The following FGF14 variants were observed in gnomAD, a reference collection of about 807,000 sequenced individuals.
FGF14 encodes fibroblast growth factor homologous factor 4.
FGF14 carries 5 observed loss-of-function variants against 25.5 expected under a neutral mutation model. The ratio of observed to expected loss-of-function variants is 0.20; its 90% CI spans 0.10 to 0.41. The LOEUF is 0.41. Ranked by LOEUF, FGF14 falls within the 10% of genes least tolerant of loss-of-function variation. FGF14 has a pLI of 1.00. For missense variants in FGF14, 222 were observed against 320.1 expected (o/e 0.69, Z 2.34); for synonymous variants, 138 against 118.3 (o/e 1.17, Z -1.08).
chr13:102,269,904 G>T (rs1456093770), intron 1 of FGF14, among the ~76,000 whole-genome samples: 2 of 152,140 alleles, frequency 1.3e-5, no homozygotes, highest in African/African-American at 4.8e-5. Flanking sequence ...TTAAGATGGT[G>T]TCCACAAGCT....
chr13:101,907,983 G>A (rs2032453843), intron 1 of FGF14, among the ~76,000 whole-genome samples: 1 of 152,118 alleles, frequency 6.6e-6, no homozygotes, highest in Admixed American at 6.5e-5. Context: ...ACTTATAAAA[G>A]CAGTTGTGGA....
At chr13:102,239,210 G>T (rs1158890305) in intron 1 of FGF14, among the ~76,000 whole-genome samples, 1 of 152,150 alleles carries the variant, frequency 6.6e-6, no homozygotes, top group Admixed American at 6.5e-5. Context: ...TTACTGTACA[G>T]ATTTTTCTGT....
At chr13:101,730,067 CATA>C (rs2139709751) in intron 3 of FGF14, among the ~76,000 whole-genome samples, 1 of 152,130 alleles carries the variant, frequency 6.6e-6, no homozygotes, top group Admixed American at 6.5e-5. Context: ...GTTTGAGAAA[CATA>C]ATAAAGGGTC....
At chr13:102,081,617 T>G (rs2043626821) in intron 1 of FGF14, among the ~76,000 whole-genome samples, 2 of 152,212 alleles carry the variant, frequency 1.3e-5, no homozygotes, top group South Asian at 4.1e-4. Flanking sequence ...TATTATCAAT[T>G]GGAATAGATA....
chr13:102,064,785 T>A (rs1237196190), intron 1 of FGF14, among the ~76,000 whole-genome samples: 1 of 151,946 alleles, frequency 6.6e-6, no homozygotes, highest in African/African-American at 2.4e-5. Flanking sequence ...TATATTGTGT[T>A]AGGTTTTGTA....
intron 1 of FGF14, among the ~76,000 whole-genome samples, chr13:101,950,967 G>T (rs376089490): frequency 6.6e-5 from 10 of 152,098 alleles, no homozygotes; most frequent in South Asian, 2.1e-4. Context: ...TTTTTGGTAC[G>T]TAAAACTACT....
At chr13:102,022,070 AC>A (rs2040682800) in intron 1 of FGF14, among the ~76,000 whole-genome samples, 1 of 151,992 alleles carries the variant, frequency 6.6e-6, no homozygotes, top group Admixed American at 6.6e-5. Flanking sequence ...GCCTAATTCT[AC>A]CTTACTTCAT....
At position 101,811,504 on chromosome 13, in the gene FGF14, T is replaced by C. The variant is rs151147407; in HGVS notation, c.408+57221A>G. 4.6e-3 allele frequency among the ~76,000 whole-genome samples: 699 copies of C among 152,358 alleles called. 4 individuals carry two copies. The highest frequency in any genetic ancestry group is 8.3e-3 in the South Asian group (40 of 4,830). On this transcript the variant is annotated intron_variant, in intron 3 of 4. Transcript: ENST00000376143. ...TTTGGGTGTGCCAGTTATTTATCTA[T>C]GCTCATACTAAAGTGCATGTTGGTT... is the stretch of plus-strand genomic sequence containing the variant.
At chr13:101,735,817 A>C (rs905707713) in intron 3 of FGF14, among the ~76,000 whole-genome samples, 12 of 152,180 alleles carry the variant, frequency 7.9e-5, no homozygotes, top group African/African-American at 2.9e-4. Flanking sequence ...TCAAAGGTAC[A>C]TTTCTTGGGC....
chr13:101,724,866 C>G lies in FGF14; in HGVS notation c.607+1746G>C, dbSNP rs1037191160. ...CATAAAAAGTATTATTTCTCTCTTT[C>G]TCATATATATATATGTATATATACA... On this transcript the variant is annotated intron_variant, in intron 4 of 4. Coordinates refer to ENST00000376143, the MANE Select transcript of FGF14 (RefSeq NM_004115.4). Among the ~76,000 whole-genome samples the G allele has an allele frequency of 6.6e-5, 10 of 151,040 alleles. No individual in the cohort carries two copies. In the South Asian group the frequency reaches 2.1e-3, roughly 31 times the overall value.
At chr13:102,114,506 C>T (rs2045374735) in intron 1 of FGF14, among the ~76,000 whole-genome samples, 1 of 152,134 alleles carries the variant, frequency 6.6e-6, no homozygotes, top group Non-Finnish European at 1.5e-5. Context: ...GAGATATCTG[C>T]ATTGTTATGT....
At chr13:101,982,360 T>C (rs376450407) in intron 1 of FGF14, among the ~76,000 whole-genome samples, 64 of 152,224 alleles carry the variant, frequency 4.2e-4, no homozygotes, top group African/African-American at 1.5e-3. Flanking sequence ...TGTTGTTTCT[T>C]ATTTTGTTTC....
At chr13:102,215,654 T>G (rs1024210079) in intron 1 of FGF14, among the ~76,000 whole-genome samples, 1 of 152,154 alleles carries the variant, frequency 6.6e-6, no homozygotes, top group Admixed American at 6.6e-5. Flanking sequence ...CCCACAACCA[T>G]ATTTACCATC....
chr13:102,001,442 G>A (rs1383107139), intron 1 of FGF14, among the ~76,000 whole-genome samples: 1 of 152,070 alleles, frequency 6.6e-6, no homozygotes, highest in African/African-American at 2.4e-5. Flanking sequence ...ACACCTGGGT[G>A]CCCAGAAAAT....
chr13:101,787,897 G>A (rs186479690), intron 3 of FGF14, among the ~76,000 whole-genome samples: 2 of 152,292 alleles, frequency 1.3e-5, no homozygotes, highest in East Asian at 1.9e-4. Context: ...TTGAGACAGA[G>A]TTTAGCTCTT....
chr13:102,376,090 T>A (rs148229029), intron 1 of FGF14, among the ~76,000 whole-genome samples: 1 of 152,280 alleles, frequency 6.6e-6, no homozygotes, highest in African/African-American at 2.4e-5. Context: ...TTGATATGGT[T>A]TGGCTGTGTC....
intron 1 of FGF14, among the ~76,000 whole-genome samples, chr13:102,243,493 T>C (rs184777945): frequency 1.3e-5 from 2 of 152,202 alleles, no homozygotes; most frequent in Admixed American, 1.3e-4. Context: ...ATTGAATTGT[T>C]CAATTGAAAC....
chr13:101,733,614 A>G (rs2035971185), intron 3 of FGF14, among the ~76,000 whole-genome samples: 1 of 143,136 alleles, frequency 7.0e-6, no homozygotes. Context: ...AAAAAAAAAG[A>G]GAGAGAGGAG....
At chr13:101,789,379 A>G (rs1324046211) in intron 3 of FGF14, among the ~76,000 whole-genome samples, 1 of 152,082 alleles carries the variant, frequency 6.6e-6, no homozygotes, top group Non-Finnish European at 1.5e-5. Flanking sequence ...AGGTGCCTTC[A>G]TGCCCCAGTT....
Sources: allele counts gnomAD v4.1 joint callset (sites outside exome capture counted in the v4.1 genomes callset), GRCh38; gene constraint gnomAD v4.1.1; transcripts MANE v1.5; gene names NCBI Gene and HGNC (gene_info 2026-07-23, HGNC 2026-07-21).